The following MOK variants were observed in gnomAD, a reference collection of about 807,000 sequenced individuals.
The protein encoded by MOK is MAPK/MAK/MRK overlapping kinase.
MOK carries 59 observed loss-of-function variants against 54.2 expected under a neutral mutation model. The ratio of observed to expected loss-of-function variants is 1.09; its 90% confidence interval spans 0.88 to 1.35. The LOEUF (loss-of-function observed/expected upper bound fraction) is 1.35, where lower values mean the gene tolerates loss of function less well. Ranked by LOEUF, MOK falls within the 40% of genes most tolerant of loss-of-function variation. MOK has a pLI of 0.00. For missense variants in MOK, 517 were observed against 526.2 expected (o/e 0.98, Z 0.17); for synonymous variants, 210 against 202.7 (o/e 1.04, Z -0.31).
chr14:102,259,904 G>A lies in MOK; in HGVS notation c.283+3642C>T, dbSNP rs1429606510. Among the ~76,000 whole-genome samples the A allele has an allele frequency of 7.9e-5, 12 of 151,948 alleles. No homozygotes were observed. In the East Asian group the frequency reaches 1.2e-3, roughly 15 times the overall value. ...CTAAAAATACAAAACTTAGCCAGGC[G>A]CGGTGGCTCACGCCTGTAATCCCAG... On this transcript the variant is annotated intron_variant, in intron 4 of 11. Coordinates refer to ENST00000361847, the MANE Select transcript of MOK (RefSeq NM_014226.3).
rs2067584275 is a variant in MOK, at chr14:102,262,787, T to C, written c.283+759A>G. Among the ~76,000 whole-genome samples, 2 of 152,358 alleles carry C rather than the reference T, an allele frequency of 1.3e-5. 1 individual carries two copies. The highest frequency in any genetic ancestry group is 4.8e-5 in the African/African-American group (2 of 41,582). On this transcript the variant is annotated intron_variant, in intron 4 of 11. Coordinates refer to ENST00000361847, the MANE Select transcript of MOK (RefSeq NM_014226.3). ...CTAAAATTCTTTTCCAAGTCATAAG[T>C]AGTCACTCATGTGACAGTAGGACAG... is the stretch of plus-strand genomic sequence containing the variant.
chr14:102,301,904 T>A (rs1365169380), intron 1 of MOK, among the ~76,000 whole-genome samples: 3 of 152,014 alleles, frequency 2.0e-5, no homozygotes, highest in African/African-American at 7.2e-5. Context: ...TTTTGTTTTG[T>A]TTTGATTTTT....
chr14:102,251,630 CTGTAACAAACA>C, intron 6 of MOK, 115 bp downstream of exon 6: 1 of 778,814 alleles, frequency 1.3e-6, no homozygotes, highest in Non-Finnish European at 2.2e-6. Flanking sequence ...AAAAAAATTA[CTGTAACAAACA>C]GGCTGTCTAG....
At chr14:102,244,198 G>A (rs1027492717) in intron 7 of MOK, among the ~76,000 whole-genome samples, 3 of 150,416 alleles carry the variant, frequency 2.0e-5, no homozygotes, top group Admixed American at 6.6e-5. Flanking sequence ...TCGGGGCAAC[G>A]CTTATGCTGA....
rs757188060 is a variant in MOK at position 102,250,816 on chromosome 14, C to T, written c.586G>A (p.Ala196Thr). 8.7e-6 allele frequency: 14 copies of T among 1,612,570 alleles called. No homozygotes were observed. The highest frequency in any genetic ancestry group is 4.5e-5 in the East Asian group (2 of 44,846). Residue 196 changes from alanine to threonine, a missense_variant, in exon 7 of 12, where the codon GCC becomes ACC. Ala to Thr is a moderately conservative substitution (Grantham distance 58). Coordinates refer to ENST00000361847, the MANE Select transcript of MOK (RefSeq NM_014226.3). ...AGGAGCCTGGCCTGGTGCTACCTGGCGATCTCGTAGAACACACAGCCGGCG... is the reference window on the plus strand; with the variant it reads ...AGGAGCCTGGCCTGGTGCTACCTGGTGATCTCGTAGAACACACAGCCGGCG... The part of the protein sequence containing the change: ...WSAGCVFYEI[A>T]SLQPLFPGVN...
chr14:102,215,053 C>A, the MOK span: 3 of 944,796 alleles, frequency 3.2e-6, no homozygotes, highest in South Asian at 1.5e-4. Context: ...TTTAAAAATC[C>A]CAGTGAACCA....
chr14:102,232,334 T>C lies in MOK; in HGVS notation c.866+201A>G, dbSNP rs2064805023. ...CCTCTTTCTCCTGCCGTGGAGCTGC[T>C]AACATCCTCATTTTGGGGAGGATAC... On this transcript the variant is annotated intron_variant, in intron 9 of 11. Coordinates refer to ENST00000361847, the MANE Select transcript of MOK (RefSeq NM_014226.3). This position sits in a 1 kb window ranked among gnomAD's most constrained non-coding sequence, Gnocchi z 5.1. The C allele has an allele frequency of 5.7e-6, 3 of 529,770 alleles. No individual in the cohort carries two copies. The highest frequency in any genetic ancestry group is 9.5e-6 in the Non-Finnish European group (3 of 314,430). 32.8% of individuals were successfully genotyped at this position (529,770 alleles called of 1,614,324 possible). A position where few individuals can be genotyped will look rare whatever the true frequency, so the allele number is the denominator to read the frequency against.
intron 1 of MOK, among the ~76,000 whole-genome samples, chr14:102,301,490 C>A (rs2072194365): frequency 6.6e-6 from 1 of 152,094 alleles, no homozygotes. Context: ...CAAAAATATA[C>A]CTAGAAAATC....
chr14:102,286,764 A>C (rs2070150917), intron 1 of MOK, among the ~76,000 whole-genome samples: 2 of 152,030 alleles, frequency 1.3e-5, no homozygotes, highest in Admixed American at 1.3e-4. Context: ...GTAAATATTT[A>C]AAATAATGGG....
downstream of MOK, chr14:102,222,741 A>G: frequency 7.0e-7 from 1 of 1,431,884 alleles, no homozygotes; most frequent in South Asian, 1.2e-5. The surrounding 1 kb of genome is among the most constrained non-coding windows in gnomAD (Gnocchi z 4.4). Flanking sequence ...ACCAGTTTTG[A>G]CCACGTGGAG....
chr14:102,227,334 C>G (rs372910710), downstream of MOK, among the ~76,000 whole-genome samples: 1 of 151,736 alleles, frequency 6.6e-6, no homozygotes, highest in Non-Finnish European at 1.5e-5. Flanking sequence ...GCGCCGCCCC[C>G]CCTACAGCCA....
chr14:102,290,745 T>C (rs2070686025), intron 1 of MOK, among the ~76,000 whole-genome samples: 1 of 152,110 alleles, frequency 6.6e-6, no homozygotes. Flanking sequence ...TGAACCCTAA[T>C]GGGTATTCCA....
chr14:102,298,652 G>T (rs1455781746), intron 1 of MOK, among the ~76,000 whole-genome samples: 1 of 152,206 alleles, frequency 6.6e-6, no homozygotes, highest in East Asian at 1.9e-4. Context: ...CCAATCAGCA[G>T]GATGTGGGTG....
downstream of MOK, chr14:102,224,821 T>C (rs1425723628): frequency 8.8e-6 from 4 of 455,802 alleles, no homozygotes; most frequent in Non-Finnish European, 1.8e-5. Context: ...TAAAAGACAC[T>C]AAGACTTGCT....
intron 8 of MOK, 121 bp downstream of exon 8, chr14:102,233,567 C>T: frequency 1.3e-6 from 1 of 772,904 alleles, no homozygotes; most frequent in East Asian, 2.6e-5. Flanking sequence ...AACTTGAACC[C>T]CTGTAGTCAG....
In MOK at chr14:102,303,009, A is replaced by G. The variant is rs117211617; in HGVS notation, c.7+1953T>C. The stretch of plus-strand genomic sequence containing the variant: ...AAACCCCGTCTCTACCAAAAAATAC[A>G]AGTTAGCTGGGCGTGGTGGTGCACA... On this transcript the variant is annotated intron_variant, in intron 1 of 11. Transcript: ENST00000361847. 5.6e-3 allele frequency among the ~76,000 whole-genome samples: 851 copies of G among 151,818 alleles called. 18 individuals carry two copies. The highest frequency in any genetic ancestry group is 0.034 in the East Asian group (176 of 5,120).
Position 102,229,501 on chromosome 14 carries a change from C to T in MOK, c.1138G>A (p.Val380Met). ...CACTTCAAGGGTCTCAGCACCGGCA[C>T]TCTTCCATTTGTTCCAGATCCAAGC... is the stretch of plus-strand genomic sequence containing the variant. Reference protein sequence around the residue: ...SVLGSGTNGRVPVLRPLKCIP... With the variant: ...SVLGSGTNGRMPVLRPLKCIP... The change falls in exon 11 of 12, where the codon GTG (valine) becomes ATG (methionine). Residue 380 changes from valine to methionine, a missense_variant. Val to Met is a conservative substitution (Grantham distance 21). Transcript: ENST00000361847. 1 of 1,614,204 alleles carries T rather than the reference C, an allele frequency of 6.2e-7. No individual in the cohort carries two copies. The highest frequency in any genetic ancestry group is 8.5e-7 in the Non-Finnish European group (1 of 1,180,046).
chr14:102,238,820 A>G lies in MOK; in HGVS notation c.591-5031T>C, dbSNP rs78093749. Among the ~76,000 whole-genome samples, 1,124 of 152,238 alleles carry G rather than the reference A, an allele frequency of 7.4e-3. 15 individuals are homozygous for G. Among genetic ancestry groups the G allele is most frequent in the African/African-American group, 0.025 (1,057 of 41,516 alleles). The stretch of plus-strand genomic sequence containing the variant: ...TCACCTATTTACCTCACTAAAAAGT[A>G]TAACTTCAAAATGTCATATATGCTC... On this transcript the variant is annotated intron_variant, in intron 7 of 11. Coordinates refer to ENST00000361847, the MANE Select transcript of MOK (RefSeq NM_014226.3). The surrounding 1 kb of genome is among the most constrained non-coding windows in gnomAD (Gnocchi z 4.8).
intron 4 of MOK, among the ~76,000 whole-genome samples, chr14:102,257,849 C>T (rs2067092584): frequency 6.6e-6 from 1 of 151,944 alleles, no homozygotes; most frequent in Non-Finnish European, 1.5e-5. Flanking sequence ...TGGTGGCACG[C>T]ACCTGTAGTC....
Sources: gnomAD v4.1 joint callset for allele counts (sites outside exome capture counted in the v4.1 genomes callset) on GRCh38, gnomAD v4.1.1 for gene constraint, Gnocchi (gnomAD v3.1) non-coding constraint, MANE v1.5 for transcripts, NCBI Gene and HGNC (gene_info 2026-07-23, HGNC 2026-07-21) for gene names.